The following RAP1A variants were observed in gnomAD, a reference collection of about 807,000 sequenced individuals.
The protein encoded by RAP1A is RAP1A, member of RAS oncogene family.
Under a neutral mutation model 26.4 loss-of-function variants are expected in RAP1A, and 6 were observed. That is an observed-to-expected ratio of 0.23 (90% confidence interval 0.12 to 0.45). RAP1A has a LOEUF of 0.45. RAP1A is among the 20% of genes least tolerant of loss of function. RAP1A has a pLI of 0.99. For missense variants in RAP1A, 121 were observed against 217.2 expected, an observed-to-expected ratio of 0.56 and a Z score of 2.78; for synonymous variants, 73 against 79.4, an observed-to-expected ratio of 0.92 and a Z score of 0.43.
intron 1 of RAP1A, among the ~76,000 whole-genome samples, chr1:111,594,586 A>AAGGC (rs1199132434): frequency 2.3e-5 from 3 of 131,884 alleles, no homozygotes; most frequent in Non-Finnish European, 4.9e-5. Context: ...GGAAGGAAGG[A>AAGGC]AGGGAGGGAG....
In RAP1A at chr1:111,580,879, C is replaced by A. The variant is rs529950754; in HGVS notation, c.-28+38370C>A. Among the ~76,000 whole-genome samples the A allele has an allele frequency of 1.5e-4, 22 of 147,976 alleles. No individual in the cohort carries two copies. In the East Asian group the frequency reaches 2.0e-3, roughly 13 times the overall value. ...AAAACAAAAAACAAAAAAAAAACAA[C>A]AAAAAACAGAATAGACCCCTAGAGA... On this transcript the variant is annotated intron_variant, in intron 1 of 7. Transcript: ENST00000356415.
intron 1 of RAP1A, among the ~76,000 whole-genome samples, chr1:111,620,758 C>T (rs1299390784): frequency 5.3e-5 from 8 of 152,112 alleles, no homozygotes; most frequent in African/African-American, 1.4e-4. Flanking sequence ...CGGTGTGATT[C>T]TTGTTATCCT....
At chr1:111,708,765 G>A (rs1315810571) in intron 6 of RAP1A, among the ~76,000 whole-genome samples, 1 of 152,220 alleles carries the variant, frequency 6.6e-6, no homozygotes, top group Non-Finnish European at 1.5e-5. Flanking sequence ...AAGTGTGTGT[G>A]TGTGCACGTG....
At chr1:111,549,036 A>G (rs1037937865) in intron 1 of RAP1A, among the ~76,000 whole-genome samples, 2 of 152,324 alleles carry the variant, frequency 1.3e-5, no homozygotes, top group East Asian at 1.9e-4. Context: ...ACTTTTGAAG[A>G]TCCCTCAGAT....
intron 1 of RAP1A, among the ~76,000 whole-genome samples, chr1:111,570,291 A>C (rs1658024550): frequency 6.6e-6 from 1 of 152,208 alleles, no homozygotes; most frequent in African/African-American, 2.4e-5. Context: ...AAAATACACT[A>C]AAGTTGAAAG....
intron 1 of RAP1A, among the ~76,000 whole-genome samples, chr1:111,649,722 G>A (rs1037007434): frequency 5.3e-5 from 8 of 152,132 alleles, no homozygotes; most frequent in African/African-American, 1.9e-4. Context: ...TAGCAGAGAG[G>A]TTAGTATTTA....
chr1:111,629,332 T>C (rs933221584), intron 1 of RAP1A, among the ~76,000 whole-genome samples: 4 of 152,188 alleles, frequency 2.6e-5, no homozygotes, highest in African/African-American at 9.6e-5. Context: ...TTCTAGAACC[T>C]GACTAGAGCT....
rs1275418646 is a variant in RAP1A, at chr1:111,715,433, C to G, written c.*3032C>G. On this transcript the variant is annotated 3_prime_UTR_variant, in exon 8 of 8. Coordinates refer to ENST00000369709, the MANE Select transcript of RAP1A (RefSeq NM_002884.4). ...CTATTTAAGTCCTAGTACATAAACACTGTGTGGTTCACAAAAAGGCATAGA... is the reference window on the plus strand; with the variant it reads ...CTATTTAAGTCCTAGTACATAAACAGTGTGTGGTTCACAAAAAGGCATAGA... 1 of 152,064 alleles carries G rather than the reference C, an allele frequency of 6.6e-6. No homozygotes were observed. The highest frequency in any genetic ancestry group is 1.5e-5 in the Non-Finnish European group (1 of 68,060). The allele number at this position is 152,064 out of a possible 1,614,324, so 9.4% of individuals were successfully genotyped here.
At chr1:111,685,330 G>A (rs1044418999) in intron 1 of RAP1A, among the ~76,000 whole-genome samples, 5 of 151,780 alleles carry the variant, frequency 3.3e-5, no homozygotes, top group Non-Finnish European at 5.9e-5. Flanking sequence ...TCAGCAGAGC[G>A]AACAGGCAAC....
At chr1:111,630,276 A>G (rs527960003) in intron 1 of RAP1A, among the ~76,000 whole-genome samples, 48 of 152,326 alleles carry the variant, frequency 3.2e-4, no homozygotes, top group African/African-American at 1.1e-3. Context: ...AGATTTTTTC[A>G]TACTCCTTTT....
chr1:111,640,581 T>G (rs1659862165), intron 1 of RAP1A, among the ~76,000 whole-genome samples: 1 of 152,254 alleles, frequency 6.6e-6, no homozygotes, highest in Non-Finnish European at 1.5e-5. Context: ...TGTTACTAGC[T>G]CTTTTTTATA....
At chr1:111,631,664 T>C (rs1659570825) in intron 1 of RAP1A, among the ~76,000 whole-genome samples, 1 of 152,166 alleles carries the variant, frequency 6.6e-6, no homozygotes. Context: ...AATGTAAACA[T>C]GAATGAATGA....
intron 1 of RAP1A, among the ~76,000 whole-genome samples, chr1:111,575,880 T>C (rs1482811540): frequency 1.3e-5 from 2 of 152,258 alleles, no homozygotes; most frequent in African/African-American, 4.8e-5. Context: ...ATAGATCACC[T>C]AGCACATGAA....
intron 1 of RAP1A, among the ~76,000 whole-genome samples, chr1:111,602,513 G>T (rs774794375): frequency 2.0e-5 from 3 of 152,114 alleles, no homozygotes; most frequent in Admixed American, 1.3e-4. Flanking sequence ...CACAGAGTTA[G>T]ACTACTCTGT....
At chr1:111,546,703 C>A (rs1657046595) in intron 1 of RAP1A, among the ~76,000 whole-genome samples, 1 of 152,134 alleles carries the variant, frequency 6.6e-6, no homozygotes, top group Admixed American at 6.5e-5. Flanking sequence ...CACCTTCCAG[C>A]CAATTGTGAA....
At chr1:111,626,370 TAC>T (rs3084315) in intron 1 of RAP1A, among the ~76,000 whole-genome samples, 14,403 of 149,246 alleles carry the variant, frequency 0.097, 727 homozygotes, top group South Asian at 0.13. Context: ...TATGTATACA[TAC>T]ACACACACAC....
intron 1 of RAP1A, among the ~76,000 whole-genome samples, chr1:111,564,833 A>C (rs956257009): frequency 6.6e-6 from 1 of 152,076 alleles, no homozygotes; most frequent in Non-Finnish European, 1.5e-5. Flanking sequence ...AACTCTTAAA[A>C]AAAAAAAGTT....
At chr1:111,647,157 A>T (rs1428662730) in intron 1 of RAP1A, among the ~76,000 whole-genome samples, 1 of 152,132 alleles carries the variant, frequency 6.6e-6, no homozygotes. Flanking sequence ...CTCTTATCAG[A>T]TCACTAGTGG....
chr1:111,628,221 C>T (rs968134158), intron 1 of RAP1A, among the ~76,000 whole-genome samples: 1 of 152,168 alleles, frequency 6.6e-6, no homozygotes, highest in Non-Finnish European at 1.5e-5. Flanking sequence ...CTGCCAGTCT[C>T]CTCAAGGGCA....
Sources: gnomAD v4.1 joint callset for allele counts (sites outside exome capture counted in the v4.1 genomes callset) on GRCh38, gnomAD v4.1.1 for gene constraint, MANE v1.5 for transcripts, NCBI Gene and HGNC (gene_info 2026-07-23, HGNC 2026-07-21) for gene names.